SYNDIG1L: variants seen among roughly 807,000 people sequenced by gnomAD.
The protein encoded by SYNDIG1L is synapse differentiation inducing 1 like, also known as synapse differentiation-inducing gene protein 1-like.
Under a neutral mutation model 20.1 loss-of-function variants are expected in SYNDIG1L, and 13 were observed. That is an observed-to-expected ratio of 0.65 (90% CI 0.42 to 1.03). The LOEUF is 1.03. Ranked by LOEUF, SYNDIG1L falls within the 50% of genes least tolerant of loss-of-function variation. The pLI, the probability that SYNDIG1L is intolerant of heterozygous loss-of-function variation, is 0.00. For synonymous variants in SYNDIG1L, 128 were observed against 129.3 expected (o/e 0.99, Z 0.07); for missense variants, 294 against 305.1 (o/e 0.96, Z 0.27).
the SYNDIG1L span, among the ~76,000 whole-genome samples, chr14:74,440,364 A>G: frequency 6.6e-6 from 1 of 152,068 alleles, no homozygotes; most frequent in Non-Finnish European, 1.5e-5. Flanking sequence ...AAATACAAAA[A>G]TTAGCCGGGC....
chr14:74,428,356 C>T (rs1449832755), upstream of SYNDIG1L, among the ~76,000 whole-genome samples: 1 of 152,200 alleles, frequency 6.6e-6, no homozygotes, highest in Admixed American at 6.5e-5. Context: ...AATCTACAAC[C>T]ATGCAAAGTT....
chr14:74,435,485 G>A, the SYNDIG1L span, among the ~76,000 whole-genome samples: 5 of 152,222 alleles, frequency 3.3e-5, no homozygotes, highest in African/African-American at 1.2e-4. Flanking sequence ...AGGGCCAACA[G>A]CTGGTTGGCA....
In SYNDIG1L at chr14:74,406,059, G is replaced by T; in HGVS notation, c.*1476C>A. On this transcript the variant is annotated 3_prime_UTR_variant, in exon 4 of 4. Transcript: ENST00000331628. ...GCCACAGCCCTGGGCTCTGGATGGG[G>T]CATGGGAATGACCAGGTTCCCACAT... is the stretch of plus-strand genomic sequence containing the variant. The T allele has an allele frequency of 2.5e-6, 1 of 398,682 alleles. No individual in the cohort carries two copies. The highest frequency in any genetic ancestry group is 4.4e-5 in the Admixed American group (1 of 22,726). 24.7% of individuals were successfully genotyped at this position (398,682 alleles called of 1,614,324 possible).
the SYNDIG1L span, among the ~76,000 whole-genome samples, chr14:74,442,507 G>A: frequency 1.3e-5 from 2 of 152,194 alleles, no homozygotes; most frequent in Non-Finnish European, 1.5e-5. Context: ...AAGAAAACAT[G>A]TCACAAAGTG....
At chr14:74,441,499 A>G in the SYNDIG1L span, among the ~76,000 whole-genome samples, 2 of 152,056 alleles carry the variant, frequency 1.3e-5, no homozygotes, top group African/African-American at 2.4e-5. Context: ...TTTTAAAAAT[A>G]AATTTTGTTT....
chr14:74,439,403 C>T, the SYNDIG1L span, among the ~76,000 whole-genome samples: 1 of 152,112 alleles, frequency 6.6e-6, no homozygotes, highest in African/African-American at 2.4e-5. Context: ...TCAGTCTGAC[C>T]TCAGTGCCTG....
intron 1 of SYNDIG1L, among the ~76,000 whole-genome samples, chr14:74,424,510 T>C (rs2086249521): frequency 6.6e-6 from 1 of 152,176 alleles, no homozygotes; most frequent in Admixed American, 6.5e-5. Context: ...AGATCTGTGG[T>C]TCTTAGGGAG....
At chr14:74,407,823 G>T (rs539762114) in intron 3 of SYNDIG1L, 26 bp downstream of exon 3, 1 of 1,601,208 alleles carries the variant, frequency 6.2e-7, no homozygotes, top group Admixed American at 1.7e-5. Flanking sequence ...GGCCAGAGAA[G>T]GGACCTGGGC....
chr14:74,466,693 C>A, the SYNDIG1L span, among the ~76,000 whole-genome samples: 2 of 152,184 alleles, frequency 1.3e-5, no homozygotes, highest in Admixed American at 6.5e-5. Context: ...TCCATCACGG[C>A]TGCTCATTGG....
chr14:74,437,609 A>C, the SYNDIG1L span, among the ~76,000 whole-genome samples: 1 of 152,342 alleles, frequency 6.6e-6, no homozygotes, highest in African/African-American at 2.4e-5. Flanking sequence ...GGCTTTTAAT[A>C]ATGTCAGAGG....
In SYNDIG1L at chr14:74,409,084, ATT is replaced by A. The variant is rs1566581044; in HGVS notation, c.417+242_417+243del. On this transcript the variant is annotated intron_variant, in intron 2 of 3. Transcript: ENST00000331628. ...TATTTATTTATTTATTTATTTATTTATTTATATTTTTTTGAGTCAGGCTCTTG... is the reference window on the plus strand; with the variant it reads ...TATTTATTTATTTATTTATTTATTTATATATTTTTTTGAGTCAGGCTCTTG... Among the ~76,000 whole-genome samples the A allele has an allele frequency of 1.2e-4, 18 of 148,556 alleles. No homozygotes were observed. The East Asian group carries it at 2.4e-3, about 19-fold the overall frequency.
chr14:74,442,553 A>C, the SYNDIG1L span, among the ~76,000 whole-genome samples: 1 of 152,250 alleles, frequency 6.6e-6, no homozygotes, highest in East Asian at 1.9e-4. Flanking sequence ...GGCCATGTTT[A>C]GTTTTTATTC....
the SYNDIG1L span, among the ~76,000 whole-genome samples, chr14:74,455,359 G>A: frequency 6.6e-6 from 1 of 151,180 alleles, no homozygotes; most frequent in Admixed American, 6.6e-5. Flanking sequence ...CCTGGCTGGA[G>A]CAGAAGATGC....
chr14:74,480,085 AAG>A, the SYNDIG1L span: 1 of 1,538,964 alleles, frequency 6.5e-7, no homozygotes, highest in Non-Finnish European at 8.7e-7. Context: ...AAGACAGAAA[AAG>A]AGACATGAGA....
At chr14:74,426,229 G>T, upstream of SYNDIG1L, 1 of 151,914 alleles carries the variant, frequency 6.6e-6, no homozygotes, top group Non-Finnish European at 1.5e-5. Context: ...AGCGAGGAGG[G>T]TCCCCCTCCT....
At chr14:74,434,183 T>C in the SYNDIG1L span, among the ~76,000 whole-genome samples, 72,539 of 152,096 alleles carry the variant, frequency 0.48, 17,408 homozygotes, top group South Asian at 0.54. Context: ...CTTTATCCTG[T>C]TTTTGTATTT....
At position 74,423,057 on chromosome 14, in the gene SYNDIG1L, G is replaced by A. The variant is rs76153124; in HGVS notation, c.-58+2855C>T. Among the ~76,000 whole-genome samples, 33 of 151,686 alleles carry A rather than the reference G, an allele frequency of 2.2e-4. No individual in the cohort carries two copies. The East Asian group carries it at 5.8e-3, about 27-fold the overall frequency. On this transcript the variant is annotated intron_variant, in intron 1 of 3. Transcript: ENST00000331628. Reference sequence around the variant, plus strand: ...CTTCCTCTTTCTCAGCAGCCCCCCCGCCCCCAAGATCACCCAATCATGTGC... The same window carrying A: ...CTTCCTCTTTCTCAGCAGCCCCCCCACCCCCAAGATCACCCAATCATGTGC...
chr14:74,433,458 G>C, the SYNDIG1L span, among the ~76,000 whole-genome samples: 6 of 151,592 alleles, frequency 4.0e-5, no homozygotes, highest in Non-Finnish European at 8.8e-5. Context: ...ATCTTGGCCC[G>C]CTGCAACCTC....
the SYNDIG1L span, among the ~76,000 whole-genome samples, chr14:74,477,929 A>G: frequency 4.1e-4 from 63 of 152,342 alleles, no homozygotes; most frequent in African/African-American, 1.5e-3. Flanking sequence ...TCTGTAGAAG[A>G]CGACCTTTCA....
Sources: allele counts gnomAD v4.1 joint callset (sites outside exome capture counted in the v4.1 genomes callset), GRCh38; gene constraint gnomAD v4.1.1; transcripts MANE v1.5; gene names NCBI Gene and HGNC (gene_info 2026-07-23, HGNC 2026-07-21).